RASGRF2: variants seen among roughly 807,000 people sequenced by gnomAD.
The protein encoded by RASGRF2 is Ras protein specific guanine nucleotide releasing factor 2, also known as ras-specific guanine nucleotide-releasing factor 2.
In RASGRF2, 76 loss-of-function variants were observed where a neutral mutation model predicts 151.0. That is an observed-to-expected ratio of 0.50 (90% CI 0.42 to 0.61). The LOEUF is 0.61. Among genes scored for constraint, RASGRF2 ranks in the 20% least tolerant of loss-of-function variants. RASGRF2 has a pLI of 0.00. For missense variants in RASGRF2, 1,148 were observed against 1,564.6 expected (o/e 0.73, Z 4.49); for synonymous variants, 504 against 566.5 (o/e 0.89, Z 1.57).
intron 3 of RASGRF2, among the ~76,000 whole-genome samples, chr5:81,068,968 C>T: frequency 6.6e-6 from 1 of 152,168 alleles, no homozygotes; most frequent in South Asian, 2.1e-4. Flanking sequence ...CCTCTTTCTG[C>T]CCAGGGATGC....
At chr5:80,980,732 GAATTGT>G (rs1389723115) in intron 1 of RASGRF2, among the ~76,000 whole-genome samples, 1 of 152,212 alleles carries the variant, frequency 6.6e-6, no homozygotes, top group Non-Finnish European at 1.5e-5. Flanking sequence ...CACCCTTTGT[GAATTGT>G]AATAAATGAG....
chr5:81,105,573 T>C (rs1268495727), intron 12 of RASGRF2, among the ~76,000 whole-genome samples: 1 of 152,156 alleles, frequency 6.6e-6, no homozygotes, highest in Admixed American at 6.5e-5. Context: ...GCTTAGAATA[T>C]TAAAGGAAAT....
chr5:81,040,757 A>G (rs1392650496), intron 1 of RASGRF2, among the ~76,000 whole-genome samples: 1 of 152,064 alleles, frequency 6.6e-6, no homozygotes, highest in East Asian at 1.9e-4. Context: ...CTTTAGCTTG[A>G]TGTATGTTTC....
rs182465761 is a variant in RASGRF2, at chr5:81,112,557, G to A, written c.1839-53G>A. ...ACAAACGCTGAAATATTCAGTGGCC[G>A]AGGGGGAAGCCTCCTCCTGGTTTTA... On this transcript the variant is annotated intron_variant, in intron 13 of 26. Coordinates refer to ENST00000265080, the MANE Select transcript of RASGRF2 (RefSeq NM_006909.3). The A allele has an allele frequency of 2.3e-4, 369 of 1,607,618 alleles. No individual in the cohort carries two copies. The African/African-American group carries it at 3.5e-3, about 15-fold the overall frequency.
chr5:81,201,499 T>C (rs1330363313), intron 19 of RASGRF2, 57 bp downstream of exon 19: 19 of 1,541,270 alleles, frequency 1.2e-5, no homozygotes, highest in Middle Eastern at 1.7e-4. Flanking sequence ...GCTATGTTCA[T>C]AGAAAATAAG....
Position 81,229,387 on chromosome 5 carries a change from T to C in RASGRF2, c.*3617T>C, listed in dbSNP as rs1043456531. Reference sequence around the variant, plus strand: ...GTAAGAAATCAGATTGTAAGTTTAATGGCTCCATTATAGATACCACCGTGT... The same window carrying C: ...GTAAGAAATCAGATTGTAAGTTTAACGGCTCCATTATAGATACCACCGTGT... On this transcript the variant is annotated 3_prime_UTR_variant, in exon 27 of 27. Transcript: ENST00000265080. The C allele has an allele frequency of 2.0e-5, 3 of 152,226 alleles. No homozygotes were observed. The highest frequency in any genetic ancestry group is 7.2e-5 in the African/African-American group (3 of 41,456). 9.4% of individuals were successfully genotyped at this position (152,226 alleles called of 1,614,324 possible).
At chr5:81,123,138 G>A (rs1753354795) in intron 15 of RASGRF2, among the ~76,000 whole-genome samples, 1 of 152,106 alleles carries the variant, frequency 6.6e-6, no homozygotes, top group Non-Finnish European at 1.5e-5. Context: ...GCCACGTTTG[G>A]GTAGTGCTGT....
At chr5:81,096,901 T>A (rs773732649) in intron 12 of RASGRF2, among the ~76,000 whole-genome samples, 43 of 152,250 alleles carry the variant, frequency 2.8e-4, no homozygotes, top group Non-Finnish European at 4.3e-4. Flanking sequence ...CTAGATTATA[T>A]CTTCAGTGGA....
At chr5:81,197,228 G>A (rs867125252) in intron 18 of RASGRF2, among the ~76,000 whole-genome samples, 1 of 150,896 alleles carries the variant, frequency 6.6e-6, no homozygotes, top group African/African-American at 2.4e-5. Context: ...AGGCCGAGGC[G>A]GGTGGATCAT....
intron 1 of RASGRF2, among the ~76,000 whole-genome samples, chr5:81,014,577 A>C (rs7717894): frequency 0.27 from 41,245 of 152,122 alleles, 5,909 homozygotes; most frequent in South Asian, 0.32. Flanking sequence ...TGGGTTGGGA[A>C]ACAGCCAAAC....
At chr5:81,139,783 C>A (rs867258516) in intron 17 of RASGRF2, among the ~76,000 whole-genome samples, 1 of 151,998 alleles carries the variant, frequency 6.6e-6, no homozygotes, top group African/African-American at 2.4e-5. Context: ...TCAAAATAAT[C>A]CCACAAAGCT....
chr5:81,211,595 A>G (rs528189092), intron 22 of RASGRF2, among the ~76,000 whole-genome samples: 1 of 152,344 alleles, frequency 6.6e-6, no homozygotes, highest in African/African-American at 2.4e-5. Flanking sequence ...TTGAGGCACT[A>G]TGAGATCTTA....
At chr5:81,188,820 G>A (rs574512609) in intron 18 of RASGRF2, among the ~76,000 whole-genome samples, 10 of 152,234 alleles carry the variant, frequency 6.6e-5, no homozygotes, top group African/African-American at 1.4e-4. Context: ...TTCAGTCCCC[G>A]CCGTCTGGCT....
chr5:80,969,308 C>CT (rs1382212764), intron 1 of RASGRF2, among the ~76,000 whole-genome samples: 3 of 150,530 alleles, frequency 2.0e-5, no homozygotes, highest in African/African-American at 4.9e-5. Context: ...CTTTTGCATT[C>CT]TTTTTTTAGT....
In RASGRF2 at chr5:80,983,093, A is replaced by T. The variant is rs117667880; in HGVS notation, c.288+22067A>T. 1.5e-4 allele frequency among the ~76,000 whole-genome samples: 23 copies of T among 152,278 alleles called. 1 individual carries two copies. The East Asian group carries it at 3.9e-3, about 26-fold the overall frequency. The stretch of plus-strand genomic sequence containing the variant: ...GATTTCCAGAACTTTTACTTTGCAA[A>T]TGTCTTTGTTAATCCTCCCTTACTT... On this transcript the variant is annotated intron_variant, in intron 1 of 26. Coordinates refer to ENST00000265080, the MANE Select transcript of RASGRF2 (RefSeq NM_006909.3).
chr5:81,182,411 T>C (rs557484268), intron 18 of RASGRF2, among the ~76,000 whole-genome samples: 15 of 152,364 alleles, frequency 9.8e-5, no homozygotes, highest in African/African-American at 3.4e-4. Context: ...TCCTGTCACC[T>C]TCCTCATCCT....
intron 1 of RASGRF2, among the ~76,000 whole-genome samples, chr5:80,979,301 G>T (rs1748225999): frequency 6.6e-6 from 1 of 152,070 alleles, no homozygotes; most frequent in Non-Finnish European, 1.5e-5. Context: ...TTAAAATATA[G>T]AAATGAAAGA....
At chr5:81,197,835 A>G (rs1440344758) in intron 18 of RASGRF2, among the ~76,000 whole-genome samples, 2 of 152,378 alleles carry the variant, frequency 1.3e-5, no homozygotes, top group Middle Eastern at 3.4e-3. Context: ...CCTCAAAAGC[A>G]GGACTTTGCA....
Position 81,227,267 on chromosome 5 carries a change from C to T in RASGRF2, c.*1497C>T, listed in dbSNP as rs1756019596. 5 of 152,308 alleles carry T rather than the reference C, an allele frequency of 3.3e-5. No homozygotes were observed. The South Asian group carries it at 1.0e-3, about 32-fold the overall frequency. The allele number at this position is 152,308 out of a possible 1,614,324, so 9.4% of individuals were successfully genotyped here. On this transcript the variant is annotated 3_prime_UTR_variant, in exon 27 of 27. Transcript: ENST00000265080. ...TGGCTCTTAAGACTCAGTGAAAGAG[C>T]TAGCATTGGTAATGCACCATAGAGG...
Sources: allele counts gnomAD v4.1 joint callset (sites outside exome capture counted in the v4.1 genomes callset), GRCh38; gene constraint gnomAD v4.1.1; transcripts MANE v1.5; gene names NCBI Gene and HGNC (gene_info 2026-07-23, HGNC 2026-07-21).